The following KDM4C variants were observed in gnomAD, a reference collection of about 807,000 sequenced individuals.
The protein encoded by KDM4C is lysine demethylase 4C, also known as lysine-specific demethylase 4C.
A neutral mutation model predicts 129.3 loss-of-function variants in KDM4C; 81 were observed. That is an observed-to-expected ratio of 0.63 (90% confidence interval 0.52 to 0.75). The LOEUF is 0.75. KDM4C is among the 30% of genes least tolerant of loss of function. The probability of loss-of-function intolerance (pLI) is 0.00; values close to 1 mark genes in which losing one functional copy is unlikely to be tolerated. For synonymous variants in KDM4C, 573 were observed against 456.1 expected (o/e 1.26, Z -3.26); for missense variants, 1,457 against 1,304.0 (o/e 1.12, Z -1.81).
At chr9:6,784,164 A>C (rs1328861087) in intron 1 of KDM4C, among the ~76,000 whole-genome samples, 2 of 152,034 alleles carry the variant, frequency 1.3e-5, no homozygotes, top group Non-Finnish European at 1.5e-5. Context: ...ATCACAATGC[A>C]GTTGGTTAGG....
chr9:7,170,690 T>C (rs1844867134), intron 21 of KDM4C: 1 of 975,684 alleles, frequency 1.0e-6, no homozygotes, highest in Non-Finnish European at 1.2e-6. Context: ...GATGGGGTTT[T>C]TCTGACTAAA....
At chr9:6,797,674 G>C (rs1169941555) in intron 2 of KDM4C, among the ~76,000 whole-genome samples, 1 of 152,184 alleles carries the variant, frequency 6.6e-6, no homozygotes, top group Non-Finnish European at 1.5e-5. Context: ...GTAGTTTTAT[G>C]AACAGCCTAG....
At chr9:7,013,522 T>C (rs1336029031) in intron 13 of KDM4C, among the ~76,000 whole-genome samples, 1 of 152,212 alleles carries the variant, frequency 6.6e-6, no homozygotes, top group East Asian at 1.9e-4. Context: ...CGAACTAATT[T>C]TGGAAAGACA....
At chr9:7,154,169 T>C (rs989976526) in intron 19 of KDM4C, among the ~76,000 whole-genome samples, 3 of 152,196 alleles carry the variant, frequency 2.0e-5, no homozygotes, top group African/African-American at 7.2e-5. Context: ...GTTCCAAAGC[T>C]GGGCAGCCGA....
intron 8 of KDM4C, among the ~76,000 whole-genome samples, chr9:6,898,421 T>C (rs1816808604): frequency 6.6e-6 from 1 of 152,164 alleles, no homozygotes; most frequent in African/African-American, 2.4e-5. Context: ...ATAAATATTA[T>C]CTTATTGGAA....
intron 15 of KDM4C, among the ~76,000 whole-genome samples, chr9:7,022,349 T>C (rs972196637): frequency 1.3e-5 from 2 of 152,162 alleles, no homozygotes; most frequent in African/African-American, 4.8e-5. Flanking sequence ...TTTATAGTTT[T>C]CATTGTAGAG....
Position 7,146,842 on chromosome 9 carries a change from G to C in KDM4C, c.2782-18396G>C, listed in dbSNP as rs535432313. On this transcript the variant is annotated intron_variant, in intron 19 of 21. Transcript: ENST00000381309. Reference sequence around the variant, plus strand: ...AGATTCCAATGAGGATAACAAACACGATTGTCCTCTGTAGTTCTGTGTTCT... The same window carrying C: ...AGATTCCAATGAGGATAACAAACACCATTGTCCTCTGTAGTTCTGTGTTCT... Among the ~76,000 whole-genome samples, 30 of 152,270 alleles carry C rather than the reference G, an allele frequency of 2.0e-4. 2 individuals are homozygous for C. The East Asian group carries it at 5.4e-3, about 27-fold the overall frequency.
intron 1 of KDM4C, among the ~76,000 whole-genome samples, chr9:6,772,604 G>C (rs569692632): frequency 5.9e-5 from 9 of 151,792 alleles, no homozygotes; most frequent in African/African-American, 2.2e-4. Context: ...CAAGTGATCT[G>C]TCCACCTCGG....
At chr9:6,779,172 G>T (rs1823771661) in intron 1 of KDM4C, among the ~76,000 whole-genome samples, 1 of 151,842 alleles carries the variant, frequency 6.6e-6, no homozygotes, top group Non-Finnish European at 1.5e-5. Context: ...GGGACTACAG[G>T]TGCCCGCCAC....
chr9:6,863,860 A>C (rs905630489), intron 5 of KDM4C, among the ~76,000 whole-genome samples: 1 of 151,370 alleles, frequency 6.6e-6, no homozygotes, highest in Admixed American at 6.6e-5. Context: ...CAGCCAGCTC[A>C]TGGGAACTAA....
chr9:7,058,103 C>T (rs562512798), intron 17 of KDM4C, among the ~76,000 whole-genome samples: 6 of 152,208 alleles, frequency 3.9e-5, no homozygotes, highest in Admixed American at 2.0e-4. Flanking sequence ...GAAATGAATT[C>T]GACAATCTCT....
chr9:7,159,663 A>G (rs1843565803), intron 19 of KDM4C, among the ~76,000 whole-genome samples: 2 of 152,150 alleles, frequency 1.3e-5, no homozygotes, highest in South Asian at 4.1e-4. Flanking sequence ...ATTGGCCCCC[A>G]CTTTCTTCTG....
intron 18 of KDM4C, among the ~76,000 whole-genome samples, chr9:7,127,645 G>A (rs564874279): frequency 1.3e-5 from 2 of 152,190 alleles, no homozygotes; most frequent in Admixed American, 6.5e-5. Context: ...TGAGGGTAGG[G>A]AAGGTGAATA....
chr9:7,097,392 T>TGG (rs897346126), intron 17 of KDM4C, among the ~76,000 whole-genome samples: 6 of 152,212 alleles, frequency 3.9e-5, no homozygotes, highest in African/African-American at 1.4e-4. Flanking sequence ...GCCATCAGGT[T>TGG]GGAACTCATC....
At chr9:7,031,130 G>GTTTATTTATTTATTTATTTA (rs57636781) in intron 15 of KDM4C, among the ~76,000 whole-genome samples, 2 of 141,162 alleles carry the variant, frequency 1.4e-5, no homozygotes, top group African/African-American at 5.5e-5. Context: ...TATTTTACTT[G>GTTTATTTATTTATTTATTTA]TTTATTTATT....
At chr9:7,065,050 C>T (rs370877246) in intron 17 of KDM4C, among the ~76,000 whole-genome samples, 63 of 152,290 alleles carry the variant, frequency 4.1e-4, no homozygotes, top group East Asian at 7.7e-4. Context: ...ATGTGTCCTA[C>T]AGTCAATCAA....
chr9:6,997,917 A>G (rs185817243), intron 12 of KDM4C, among the ~76,000 whole-genome samples: 33 of 152,132 alleles, frequency 2.2e-4, no homozygotes, highest in African/African-American at 6.5e-4. Flanking sequence ...AGAATAATCA[A>G]CACAGAAAGT....
chr9:6,939,009 G>A (rs1186638841), intron 8 of KDM4C, among the ~76,000 whole-genome samples: 1 of 151,802 alleles, frequency 6.6e-6, no homozygotes, highest in Non-Finnish European at 1.5e-5. Flanking sequence ...GTTAAAGATT[G>A]TAAACATTCC....
intron 8 of KDM4C, among the ~76,000 whole-genome samples, chr9:6,930,539 TTA>T: frequency 1.0e-5 from 1 of 98,046 alleles, no homozygotes; most frequent in East Asian, 2.1e-4. Flanking sequence ...AATATATGTG[TTA>T]TATATAACAA....
Sources: gnomAD v4.1 joint callset for allele counts (sites outside exome capture counted in the v4.1 genomes callset) on GRCh38, gnomAD v4.1.1 for gene constraint, MANE v1.5 for transcripts, NCBI Gene and HGNC (gene_info 2026-07-23, HGNC 2026-07-21) for gene names.